Variants in PCDH9 observed in about 807,000 individuals in gnomAD.
The protein encoded by PCDH9 is protocadherin-9.
In PCDH9, 24 loss-of-function variants were observed where a neutral mutation model predicts 70.6. That is an observed-to-expected ratio of 0.34 (90% CI 0.25 to 0.48). The LOEUF (loss-of-function observed/expected upper bound fraction) is 0.48. Ranked by LOEUF, PCDH9 falls within the 20% of genes least tolerant of loss-of-function variation. The probability of loss-of-function intolerance (pLI) is 0.99; values close to 1 mark genes in which losing one functional copy is unlikely to be tolerated. For synonymous variants in PCDH9, 562 were observed against 558.5 expected (o/e 1.01, Z -0.09); for missense variants, 1,281 against 1,503.6 (o/e 0.85, Z 2.45).
intron 3 of PCDH9, among the ~76,000 whole-genome samples, chr13:66,668,533 G>A (rs954477353): frequency 4.6e-5 from 7 of 152,048 alleles, no homozygotes; most frequent in Non-Finnish European, 8.8e-5. Flanking sequence ...GAATTCACTC[G>A]TTCTTCATTC....
intron 2 of PCDH9, among the ~76,000 whole-genome samples, chr13:67,022,549 C>A (rs2084699311): frequency 6.6e-6 from 1 of 152,176 alleles, no homozygotes; most frequent in African/African-American, 2.4e-5. Context: ...TCCTTTTAGC[C>A]AGGAACTATT....
At chr13:66,627,762 G>A (rs2138923647) in intron 4 of PCDH9, among the ~76,000 whole-genome samples, 1 of 152,266 alleles carries the variant, frequency 6.6e-6, no homozygotes, top group South Asian at 2.1e-4. Context: ...GCTGTCCATT[G>A]GGTGTCTTTT....
chr13:66,544,474 T>C (rs1487056091), intron 4 of PCDH9, among the ~76,000 whole-genome samples: 2 of 152,060 alleles, frequency 1.3e-5, no homozygotes, highest in East Asian at 3.9e-4. Flanking sequence ...GCCTTGAGGG[T>C]TCTTGGTTTT....
At chr13:67,141,593 A>G (rs1207591526) in intron 2 of PCDH9, among the ~76,000 whole-genome samples, 1 of 152,036 alleles carries the variant, frequency 6.6e-6, no homozygotes, top group South Asian at 2.1e-4. Context: ...GGTGCCTGCC[A>G]CCACGCCCAG....
At chr13:66,681,461 T>C (rs759530327) in intron 3 of PCDH9, among the ~76,000 whole-genome samples, 48 of 152,144 alleles carry the variant, frequency 3.2e-4, no homozygotes, top group Non-Finnish European at 2.1e-4. Context: ...TTCTCTTTTC[T>C]TTTGGGAAAT....
At chr13:67,022,344 C>T (rs549426190) in intron 2 of PCDH9, among the ~76,000 whole-genome samples, 138 of 151,950 alleles carry the variant, frequency 9.1e-4, no homozygotes, top group African/African-American at 3.2e-3. Context: ...TGGTCTCGAA[C>T]TCCCGACCTC....
At chr13:66,913,158 T>G (rs1214198286) in intron 2 of PCDH9, among the ~76,000 whole-genome samples, 2 of 152,054 alleles carry the variant, frequency 1.3e-5, no homozygotes, top group African/African-American at 2.4e-5. Flanking sequence ...AAAAGTTCAG[T>G]GGTTTACTAT....
intron 4 of PCDH9, among the ~76,000 whole-genome samples, chr13:66,463,427 T>C (rs528306431): frequency 6.6e-6 from 1 of 151,734 alleles, no homozygotes; most frequent in African/African-American, 2.4e-5. Context: ...ATATTTGTGC[T>C]GCACAGCAAA....
At chr13:66,725,322 C>A (rs1367966233) in intron 3 of PCDH9, among the ~76,000 whole-genome samples, 1 of 152,182 alleles carries the variant, frequency 6.6e-6, no homozygotes, top group African/African-American at 2.4e-5. Flanking sequence ...GTGTAATAGC[C>A]TTTTAATTGA....
intron 2 of PCDH9, among the ~76,000 whole-genome samples, chr13:66,906,069 A>G (rs1284348964): frequency 6.6e-6 from 1 of 152,122 alleles, no homozygotes; most frequent in Non-Finnish European, 1.5e-5. Context: ...TATCTGTAAT[A>G]CTCTCACTCT....
At chr13:66,708,760 G>T (rs938852087) in intron 3 of PCDH9, among the ~76,000 whole-genome samples, 9 of 152,132 alleles carry the variant, frequency 5.9e-5, no homozygotes, top group Non-Finnish European at 1.2e-4. Flanking sequence ...TTAAATCACT[G>T]CCCCTGTAGC....
chr13:66,359,083 G>A (rs1251796841), intron 4 of PCDH9, among the ~76,000 whole-genome samples: 1 of 151,972 alleles, frequency 6.6e-6, no homozygotes, highest in Non-Finnish European at 1.5e-5. Context: ...TATCATAAGA[G>A]TAAGGTGAAA....
At chr13:66,780,205 G>A (rs1221043375) in intron 3 of PCDH9, among the ~76,000 whole-genome samples, 2 of 151,944 alleles carry the variant, frequency 1.3e-5, no homozygotes, top group African/African-American at 2.4e-5. Flanking sequence ...ATAACATCAC[G>A]CTGTATACCT....
At chr13:66,961,494 T>G (rs1255967259) in intron 2 of PCDH9, among the ~76,000 whole-genome samples, 1 of 152,134 alleles carries the variant, frequency 6.6e-6, no homozygotes, top group Non-Finnish European at 1.5e-5. Flanking sequence ...ATATTGAAAT[T>G]AAATTAAATC....
At chr13:66,536,617 T>C (rs1593638959) in intron 4 of PCDH9, among the ~76,000 whole-genome samples, 1 of 152,082 alleles carries the variant, frequency 6.6e-6, no homozygotes, top group Non-Finnish European at 1.5e-5. Context: ...CAAGAATAAC[T>C]TGGAGAAATT....
Position 66,931,147 on chromosome 13 carries a change from G to T in PCDH9, c.3037-27542C>A, listed in dbSNP as rs541809152. On this transcript the variant is annotated intron_variant, in intron 2 of 4. Transcript: ENST00000377865. ...TCCCCACCCTACTTACTTCAAAAAA[G>T]GAATCAGCTTAGAGCTTTGTAAAAT... Among the ~76,000 whole-genome samples the T allele has an allele frequency of 2.0e-5, 3 of 152,172 alleles. No homozygotes were observed. In the East Asian group the frequency reaches 5.8e-4, roughly 29 times the overall value.
At chr13:67,145,682 A>G (rs532040771) in intron 2 of PCDH9, among the ~76,000 whole-genome samples, 1 of 152,110 alleles carries the variant, frequency 6.6e-6, no homozygotes, top group Non-Finnish European at 1.5e-5. Context: ...GAAATCTCTT[A>G]TGGATAAAGA....
intron 2 of PCDH9, among the ~76,000 whole-genome samples, chr13:67,062,981 T>C (rs2085568334): frequency 6.6e-6 from 1 of 152,140 alleles, no homozygotes. Flanking sequence ...TATGATGGTA[T>C]TAGTACTCTA....
intron 2 of PCDH9, among the ~76,000 whole-genome samples, chr13:67,004,546 C>G: frequency 1.1e-5 from 1 of 92,324 alleles, no homozygotes; most frequent in Admixed American, 1.2e-4. Context: ...GACAGAGACT[C>G]CGTCTCAAAA....
Sources: allele counts gnomAD v4.1 joint callset (sites outside exome capture counted in the v4.1 genomes callset), GRCh38; gene constraint gnomAD v4.1.1; transcripts MANE v1.5; gene names NCBI Gene and HGNC (gene_info 2026-07-23, HGNC 2026-07-21).